The following TRMT1 variants were observed in gnomAD, a reference collection of about 807,000 sequenced individuals.
TRMT1 encodes tRNA (guanine(26)-N(2))-dimethyltransferase.
TRMT1 carries 63 observed loss-of-function variants against 75.4 expected under a neutral mutation model. That is an observed-to-expected ratio of 0.84 (90% CI 0.68 to 1.03). The LOEUF is 1.03. Among genes scored for constraint, TRMT1 ranks in the 50% least tolerant of loss-of-function variants. The pLI, the probability that TRMT1 is intolerant of heterozygous loss-of-function variation, is 0.00. For missense variants in TRMT1, 870 were observed against 905.3 expected (o/e 0.96, Z 0.50); for synonymous variants, 382 against 358.1 (o/e 1.07, Z -0.75).
rs1383641599 is a variant in TRMT1 at position 13,115,743 on chromosome 19, C to T, written c.336G>A (p.Thr112=). The change falls in exon 4 of 17, where the codon ACG becomes ACA. Residue 112 remains threonine, a synonymous_variant. Transcript: ENST00000357720. ...CTGACAAGTCCACGACCACTTTTTG[C>T]GTGTCCTTCTCTCCTGGAACCTTGA... The part of the protein sequence containing the change: ...IQIKVPGEKD[T]QKVVVDLSEQ... 1.2e-6 allele frequency: 2 copies of T among 1,613,956 alleles called. No homozygotes were observed. Among genetic ancestry groups the T allele is most frequent in the African/African-American group, 1.3e-5 (1 of 74,896 alleles).
chr19:13,109,715 G>T, intron 10 of TRMT1, 31 bp from the exon 11 acceptor site: 1 of 1,613,970 alleles, frequency 6.2e-7, no homozygotes. Context: ...GGTGAGCAGG[G>T]ACTATGACCT....
intron 14 of TRMT1, among the ~76,000 whole-genome samples, chr19:13,106,457 A>AC (rs766630046): frequency 2.0e-4 from 31 of 151,472 alleles, no homozygotes; most frequent in Non-Finnish European, 4.1e-4. Context: ...ACAAAAAGTT[A>AC]CCCCTGGTAT....
intron 7 of TRMT1, 55 bp from the exon 8 acceptor site, chr19:13,110,361 G>A: frequency 6.5e-7 from 1 of 1,527,344 alleles, no homozygotes; most frequent in Non-Finnish European, 8.8e-7. Context: ...CACCCCACCA[G>A]GAGCCCTATG....
chr19:13,113,933 C>T (rs2019237180), intron 5 of TRMT1, among the ~76,000 whole-genome samples: 1 of 151,972 alleles, frequency 6.6e-6, no homozygotes, highest in African/African-American at 2.4e-5. Context: ...TTTGTAGAGA[C>T]GGGTTTCACT....
At position 13,116,201 on chromosome 19, in the gene TRMT1, G is replaced by A; in HGVS notation, c.199C>T (p.Pro67Ser). ...VTEGAAKIAFPSANEVFYNPV... is the reference protein window; with the variant it reads ...VTEGAAKIAFSSANEVFYNPV... ...TTATAAAAGACCTCGTTGGCACTGG[G>A]AAAGGCGATTTTGGCAGCCCCCTCG... The change falls in exon 2 of 17, where the codon CCC becomes TCC. Residue 67 changes from proline to serine, a missense_variant. Physicochemically the swap from Pro to Ser is moderately conservative, Grantham distance 74 (BLOSUM62 -1). Transcript: ENST00000357720. 6 of 1,614,182 alleles carry A rather than the reference G, an allele frequency of 3.7e-6. No homozygotes were observed. Among genetic ancestry groups the A allele is most frequent in the Non-Finnish European group, 5.1e-6 (6 of 1,180,046 alleles).
rs746355548 is a variant in TRMT1, at chr19:13,109,376, C to T, written c.1397+5G>A. 1 of 1,612,386 alleles carries T rather than the reference C, an allele frequency of 6.2e-7. No individual in the cohort carries two copies. The highest frequency in any genetic ancestry group is 8.5e-7 in the Non-Finnish European group (1 of 1,179,978). The stretch of plus-strand genomic sequence containing the variant: ...CAGGCTCCTCCCGACCCCAGGGGCT[C>T]TTACCGCAACTGCAGGAGGCTTGGT... On this transcript the variant is annotated splice_donor_5th_base_variant and intron_variant, in intron 12 of 16. Transcript: ENST00000357720.
chr19:13,109,488 G>T, intron 11 of TRMT1, 22 bp from the exon 12 acceptor site: 1 of 1,614,054 alleles, frequency 6.2e-7, no homozygotes, highest in Non-Finnish European at 8.5e-7. Context: ...GACAGGATGG[G>T]CATGAGTGGA....
rs2019023861 is a variant in TRMT1, at chr19:13,109,290, C to T, written c.1397+91G>A. On this transcript the variant is annotated intron_variant, in intron 12 of 16. Coordinates refer to ENST00000357720, the MANE Select transcript of TRMT1 (RefSeq NM_001136035.4). ...ACAGTGCACCGGGTTCTCCCCACCC[C>T]CTCGCAAGTTCTATGCATGAGAATC... 5.5e-6 allele frequency: 8 copies of T among 1,452,248 alleles called. No homozygotes were observed. In the East Asian group the frequency reaches 1.1e-4, roughly 21 times the overall value. 90.0% of individuals were successfully genotyped at this position (1,452,248 alleles called of 1,614,324 possible).
Position 13,105,096 on chromosome 19 carries a change from G to T in TRMT1, c.1834-15C>A, listed in dbSNP as rs199990153. On this transcript the variant is annotated splice_polypyrimidine_tract_variant and intron_variant, in intron 16 of 16. Coordinates refer to ENST00000357720, the MANE Select transcript of TRMT1 (RefSeq NM_001136035.4). ...TGACAGGTGCCCTGGTGGGAAGATG[G>T]TGGGTGTGAACCCCTGCCCGGAGCT... 77 of 1,574,228 alleles carry T rather than the reference G, an allele frequency of 4.9e-5. No homozygotes were observed. The Middle Eastern group carries it at 5.1e-4, about 11-fold the overall frequency.
At chr19:13,108,528 A>G (rs2018982742) in intron 12 of TRMT1, among the ~76,000 whole-genome samples, 1 of 132,702 alleles carries the variant, frequency 7.5e-6, no homozygotes, top group Non-Finnish European at 1.6e-5. Flanking sequence ...CCTGGCCTCA[A>G]GTGATTCGCC....
chr19:13,110,196 A>G lies in TRMT1; in HGVS notation c.981T>C (p.Arg327=), dbSNP rs751887354. 1 of 1,612,454 alleles carries G rather than the reference A, an allele frequency of 6.2e-7. No individual in the cohort carries two copies. Among genetic ancestry groups the G allele is most frequent in the Non-Finnish European group, 8.5e-7 (1 of 1,179,994 alleles). The change falls in exon 8 of 17, where the codon CGT becomes CGC. Residue 327 remains arginine, a synonymous_variant. Coordinates refer to ENST00000357720, the MANE Select transcript of TRMT1 (RefSeq NM_001136035.4). ...SADFYVRVFV[R]VFTGQAKVKA... is the part of the protein sequence containing the mutation. Reference sequence around the variant, plus strand: ...TGACCTTGGCCTGGCCGGTGAAGACACGGACAAAAACACGCACGTAGAAGT... The same window carrying G: ...TGACCTTGGCCTGGCCGGTGAAGACGCGGACAAAAACACGCACGTAGAAGT...
Position 13,115,288 on chromosome 19 carries a change from G to A in TRMT1, c.632C>T (p.Ala211Val). The change falls in exon 5 of 17, where the codon GCA becomes GTA. Residue 211 changes from alanine (A) to valine (V), a missense_variant. By Grantham distance (64) the Ala-to-Val change is moderately conservative. Coordinates refer to ENST00000357720, the MANE Select transcript of TRMT1 (RefSeq NM_001136035.4). ...GATGCCCAGAACCTACCGGGCATCT[G>A]CTTGGCTCGGCTGTACCAGGTGGGC... The part of the protein sequence containing the change: ...DVAHLVQPSQ[A>V]DARMLMYQHQ... The A allele has an allele frequency of 1.2e-6, 2 of 1,611,558 alleles. No homozygotes were observed. The highest frequency in any genetic ancestry group is 1.7e-6 in the Non-Finnish European group (2 of 1,178,708).
chr19:13,109,809 G>C lies in TRMT1; in HGVS notation c.1136C>G (p.Pro379Arg). 1 of 1,614,146 alleles carries C rather than the reference G, an allele frequency of 6.2e-7. No individual in the cohort carries two copies. Among genetic ancestry groups the C allele is most frequent in the Non-Finnish European group, 8.5e-7 (1 of 1,180,032 alleles). Residue 379 changes from proline (P) to arginine (R), a missense_variant, in exon 10 of 17, where the codon CCT becomes CGT. Transcript: ENST00000357720. ...RAKFSAACGP[P>R]VTPECEHCGQ... is the part of the protein sequence containing the mutation. ...ACAGTGTTCACACTCGGGGGTCACA[G>C]GGGGACCACAGGCTGCAGAGAACTT...
At chr19:13,105,197 A>G (rs1568354862) in intron 16 of TRMT1, 70 bp downstream of exon 16, 33 of 1,566,228 alleles carry the variant, frequency 2.1e-5, no homozygotes, top group Middle Eastern at 1.7e-4. Context: ...AGCTCCCCCA[A>G]TTCTCTCCCT....
chr19:13,109,862 G>A (rs10414282), intron 9 of TRMT1, 24 bp from the exon 10 acceptor site: 323,520 of 1,613,810 alleles, frequency 0.2, 37,431 homozygotes, highest in East Asian at 0.47. Context: ...GGTGGTTGGT[G>A]GGGAGGGAGG....
At chr19:13,107,953 C>T in intron 12 of TRMT1, 94 bp from the exon 13 acceptor site, 5 of 831,172 alleles carry the variant, frequency 6.0e-6, no homozygotes, top group Non-Finnish European at 1.0e-5. Context: ...TCGGCAAGGG[C>T]TCATGGCTAC....
At position 13,115,193 on chromosome 19, in the gene TRMT1, A is replaced by G. The variant is rs904883150; in HGVS notation, c.641+86T>C. On this transcript the variant is annotated intron_variant, in intron 5 of 16. Coordinates refer to ENST00000357720, the MANE Select transcript of TRMT1 (RefSeq NM_001136035.4). ...TCAAAGAGGCTAAGTCACTCACTCAAGGTCACAGAGTGAGAATGTGACAGA... is the reference window on the plus strand; with the variant it reads ...TCAAAGAGGCTAAGTCACTCACTCAGGGTCACAGAGTGAGAATGTGACAGA... The G allele has an allele frequency of 1.9e-5, 27 of 1,400,130 alleles. No individual in the cohort carries two copies. In the Admixed American group the frequency reaches 6.3e-4, roughly 33 times the overall value. 86.7% of individuals were successfully genotyped at this position (1,400,130 alleles called of 1,614,324 possible).
Position 13,109,840 on chromosome 19 carries a change from TA to T in TRMT1, c.1107-3del. The T allele has an allele frequency of 6.2e-7, 1 of 1,614,106 alleles. No homozygotes were observed. Among genetic ancestry groups the T allele is most frequent in the African/African-American group, 1.3e-5 (1 of 75,024 alleles). The stretch of plus-strand genomic sequence containing the variant: ...CCACAGGCTGCAGAGAACTTGGCCC[TA>T]AACAGAGAGGGGTGGTTGGTGGGGA... On this transcript the variant is annotated splice_polypyrimidine_tract_variant and splice_region_variant and intron_variant, in intron 9 of 16. Transcript: ENST00000357720.
At chr19:13,108,238 C>T (rs1188050797) in intron 12 of TRMT1, among the ~76,000 whole-genome samples, 1 of 151,824 alleles carries the variant, frequency 6.6e-6, no homozygotes, top group East Asian at 1.9e-4. Context: ...ATCCGCCCGC[C>T]TCAGCCTCCC....
Sources: gnomAD v4.1 joint callset for allele counts (sites outside exome capture counted in the v4.1 genomes callset) on GRCh38, gnomAD v4.1.1 for gene constraint, MANE v1.5 for transcripts, NCBI Gene and HGNC (gene_info 2026-07-23, HGNC 2026-07-21) for gene names.